AQR: variants seen among roughly 807,000 people sequenced by gnomAD.
AQR encodes the protein aquarius intron-binding spliceosomal factor, also known as RNA helicase aquarius.
AQR carries 61 observed loss-of-function variants against 180.5 expected under a neutral mutation model. The observed-to-expected ratio is 0.34, with a 90% CI of 0.28 to 0.42. The LOEUF is 0.42. AQR is among the 10% of genes least tolerant of loss of function. The pLI is 1.00. For missense variants in AQR, 1,281 were observed against 1,798.3 expected (o/e 0.71, Z 5.20); for synonymous variants, 551 against 588.8 (o/e 0.94, Z 0.93).
chr15:34,961,377 C>T (rs1034118303), intron 2 of AQR, among the ~76,000 whole-genome samples: 8 of 151,822 alleles, frequency 5.3e-5, no homozygotes, highest in Non-Finnish European at 8.8e-5. Flanking sequence ...TTTGGGAGGC[C>T]GAAGAGGGTG....
chr15:34,940,405 C>G (rs1324195865), intron 8 of AQR, among the ~76,000 whole-genome samples: 2 of 152,176 alleles, frequency 1.3e-5, no homozygotes, highest in African/African-American at 4.8e-5. Context: ...TGGCGCATGC[C>G]TGTAATCCCC....
chr15:34,864,614 A>C (rs1325773096), intron 32 of AQR, among the ~76,000 whole-genome samples: 1 of 152,174 alleles, frequency 6.6e-6, no homozygotes, highest in Non-Finnish European at 1.5e-5. Context: ...TAATGTTGTT[A>C]GGAGGAAAAA....
At chr15:34,860,198 C>T (rs1272120831) in intron 33 of AQR, 43 bp from the exon 34 acceptor site, 11 of 1,036,770 alleles carry the variant, frequency 1.1e-5, no homozygotes, top group Non-Finnish European at 1.4e-5. Context: ...AGTAAAACAA[C>T]CCTAGAAGGT....
intron 11 of AQR, among the ~76,000 whole-genome samples, chr15:34,931,128 G>A (rs750755887): frequency 4.5e-4 from 68 of 152,104 alleles, no homozygotes; most frequent in Admixed American, 2.9e-3. Context: ...GAGCCACCGC[G>A]CCCGGCTGTG....
chr15:34,948,410 A>G (rs1894161487), intron 4 of AQR, 26 bp from the exon 5 acceptor site: 2 of 1,605,510 alleles, frequency 1.2e-6, no homozygotes, highest in African/African-American at 2.7e-5. Flanking sequence ...AGCATAGAAT[A>G]CTTCATTAGT....
At chr15:34,937,023 T>C (rs1194976263) in intron 9 of AQR, among the ~76,000 whole-genome samples, 1 of 152,178 alleles carries the variant, frequency 6.6e-6, no homozygotes, top group East Asian at 1.9e-4. Context: ...CTTAAGATTA[T>C]AAGCATAAAA....
intron 12 of AQR, among the ~76,000 whole-genome samples, chr15:34,928,384 T>C (rs1893797303): frequency 6.6e-6 from 1 of 152,138 alleles, no homozygotes; most frequent in Non-Finnish European, 1.5e-5. Context: ...GTGTGTTGTT[T>C]CCTTCTCTGT....
intron 5 of AQR, among the ~76,000 whole-genome samples, chr15:34,947,101 G>A (rs13096811): frequency 0.44 from 66,729 of 151,728 alleles, 17,695 homozygotes; most frequent in Non-Finnish European, 0.6. Context: ...TTGAGAAATC[G>A]GATGGTTGCC....
At chr15:34,902,717 CTG>C (rs1483145564) in intron 19 of AQR, among the ~76,000 whole-genome samples, 1 of 152,020 alleles carries the variant, frequency 6.6e-6, no homozygotes, top group Non-Finnish European at 1.5e-5. Flanking sequence ...AGTGAAGTAA[CTG>C]AGATTTATTT....
chr15:34,931,081 C>T lies in AQR; in HGVS notation c.901-710G>A, dbSNP rs564180997. ...TCAATCTCCTGACCTCATGATCCGCCGGCCTCGGCCTCCCAAAGTGCTGGG... is the reference window on the plus strand; with the variant it reads ...TCAATCTCCTGACCTCATGATCCGCTGGCCTCGGCCTCCCAAAGTGCTGGG... On this transcript the variant is annotated intron_variant, in intron 11 of 34. Coordinates refer to ENST00000156471, the MANE Select transcript of AQR (RefSeq NM_014691.3). Among the ~76,000 whole-genome samples, 6 of 152,204 alleles carry T rather than the reference C, an allele frequency of 3.9e-5. No homozygotes were observed. In the South Asian group the frequency reaches 1.0e-3, roughly 26 times the overall value.
intron 22 of AQR, among the ~76,000 whole-genome samples, chr15:34,895,202 AT>A (rs1893224230): frequency 1.1e-5 from 1 of 87,592 alleles, no homozygotes; most frequent in Non-Finnish European, 2.4e-5. Context: ...ATATATATAT[AT>A]ATATATATAT....
In AQR at chr15:34,876,288, A is replaced by C. The variant is rs567117666; in HGVS notation, c.3166-282T>G. 6.6e-5 allele frequency among the ~76,000 whole-genome samples: 10 copies of C among 152,294 alleles called. No individual in the cohort carries two copies. In the South Asian group the frequency reaches 2.1e-3, roughly 32 times the overall value. ...TCTTGTATATCATTTCTTGAATTGC[A>C]ATGCCAGTTTGGTTCTTTTCAATTT... On this transcript the variant is annotated intron_variant, in intron 27 of 34. Transcript: ENST00000156471.
intron 32 of AQR, among the ~76,000 whole-genome samples, chr15:34,865,485 T>C (rs1242079225): frequency 6.6e-6 from 1 of 152,180 alleles, no homozygotes; most frequent in East Asian, 1.9e-4. Flanking sequence ...GGCAGGCACT[T>C]GGAAAACAGT....
chr15:34,960,397 A>T (rs1285103042), intron 3 of AQR, among the ~76,000 whole-genome samples: 1 of 152,222 alleles, frequency 6.6e-6, no homozygotes, highest in Non-Finnish European at 1.5e-5. Context: ...TTATTATTAT[A>T]CATTTTATAC....
intron 22 of AQR, among the ~76,000 whole-genome samples, chr15:34,896,353 TAAAAC>T (rs921345856): frequency 6.6e-5 from 10 of 152,214 alleles, no homozygotes; most frequent in Non-Finnish European, 1.0e-4. Flanking sequence ...CAATTAAAAA[TAAAAC>T]AAAACTTTTA....
At position 34,918,262 on chromosome 15, in the gene AQR, T is replaced by C. The variant is rs771478411; in HGVS notation, c.1338A>G (p.Gly446=). 17 of 1,612,718 alleles carry C rather than the reference T, an allele frequency of 1.1e-5. No homozygotes were observed. In the South Asian group the frequency reaches 1.7e-4, roughly 16 times the overall value. ...ENIVPTEYYS[G]EGCLALPKLN... ...ATCCATACTTCTTTACCATACCTTC[T>C]CCAGAATAGTACTCAGTTGGGACAA... The change falls in exon 15 of 35, where the codon GGA becomes GGG. Residue 446 remains glycine (G), a synonymous_variant. Transcript: ENST00000156471.
chr15:34,920,533 C>T (rs1407983372), intron 13 of AQR, 99 bp from the exon 14 acceptor site: 2 of 831,734 alleles, frequency 2.4e-6, no homozygotes, highest in East Asian at 2.7e-5. Context: ...AAATATAATA[C>T]TATGACATGG....
intron 18 of AQR, among the ~76,000 whole-genome samples, chr15:34,904,750 C>T (rs1387616789): frequency 6.6e-6 from 1 of 151,116 alleles, no homozygotes; most frequent in Admixed American, 6.6e-5. Flanking sequence ...CGATGCAACA[C>T]CATGACTTGC....
intron 5 of AQR, among the ~76,000 whole-genome samples, chr15:34,945,193 A>G (rs994693157): frequency 6.6e-6 from 1 of 152,192 alleles, no homozygotes; most frequent in Non-Finnish European, 1.5e-5. Context: ...TTCTCTTCTG[A>G]GCTCTCAAAC....
Sources: allele counts gnomAD v4.1 joint callset (sites outside exome capture counted in the v4.1 genomes callset), GRCh38; gene constraint gnomAD v4.1.1; transcripts MANE v1.5; gene names NCBI Gene and HGNC (gene_info 2026-07-23, HGNC 2026-07-21).